CEP63: variants seen among roughly 807,000 people sequenced by gnomAD.
CEP63 encodes the protein centrosomal protein 63, also known as centrosomal protein of 63 kDa.
In CEP63, 84 loss-of-function variants were observed where a neutral mutation model predicts 89.1. The ratio of observed to expected loss-of-function variants is 0.94; its 90% CI spans 0.79 to 1.13. CEP63 has a LOEUF of 1.13. CEP63 is among the 50% of genes most tolerant of loss of function. The probability of loss-of-function intolerance (pLI) is 0.00; values close to 1 mark genes in which losing one functional copy is unlikely to be tolerated. For missense variants in CEP63, 838 were observed against 813.3 expected, an observed-to-expected ratio of 1.03 and a Z score of -0.37; for synonymous variants, 267 against 272.5, an observed-to-expected ratio of 0.98 and a Z score of 0.20.
At chr3:134,653,312 A>G in the CEP63 span, among the ~76,000 whole-genome samples, 1 of 152,156 alleles carries the variant, frequency 6.6e-6, no homozygotes, top group African/African-American at 2.4e-5. Flanking sequence ...ACATTGACCA[A>G]TGTTTCCTTT....
At chr3:134,597,760 C>G in the CEP63 span, 1 of 152,416 alleles carries the variant, frequency 6.6e-6, no homozygotes, top group Non-Finnish European at 1.5e-5. Flanking sequence ...GAGCTTCTCT[C>G]TGACTCATCC....
chr3:134,505,492 G>A (rs1390165124), intron 2 of CEP63, among the ~76,000 whole-genome samples: 2 of 152,192 alleles, frequency 1.3e-5, no homozygotes, highest in Non-Finnish European at 2.9e-5. Context: ...TCACGTACCA[G>A]ACAGTGATGC....
At chr3:134,760,481 C>T in the CEP63 span, among the ~76,000 whole-genome samples, 1 of 152,342 alleles carries the variant, frequency 6.6e-6, no homozygotes, top group East Asian at 1.9e-4. Flanking sequence ...TCAGCACTAT[C>T]ATCCCTGTTA....
rs1553794805 is a variant in CEP63 at position 134,564,315 on chromosome 3, T to G, written c.*2780T>G. 4 of 985,212 alleles carry G rather than the reference T, an allele frequency of 4.1e-6. No homozygotes were observed. Among genetic ancestry groups the G allele is most frequent in the Non-Finnish European group, 4.8e-6 (4 of 829,930 alleles). The allele number at this position is 985,212 out of a possible 1,614,324, so 61.0% of individuals were successfully genotyped here. A position where few individuals can be genotyped will look rare whatever the true frequency, so the allele number is the denominator to read the frequency against. On this transcript the variant is annotated 3_prime_UTR_variant, in exon 15 of 15. Coordinates refer to ENST00000675561, the MANE Select transcript of CEP63 (RefSeq NM_001353108.3). ...GGTGTGCATGCTGTCCTTCAGTTTG[T>G]CTCCTCTTCCCACACCCTGTCATGT... is the stretch of plus-strand genomic sequence containing the variant.
the CEP63 span, among the ~76,000 whole-genome samples, chr3:134,635,834 A>C: frequency 6.6e-6 from 1 of 152,226 alleles, no homozygotes; most frequent in Non-Finnish European, 1.5e-5. Flanking sequence ...TATAAAGCAG[A>C]AAGTGAAACT....
At chr3:134,763,495 A>G in the CEP63 span, among the ~76,000 whole-genome samples, 1 of 152,188 alleles carries the variant, frequency 6.6e-6, no homozygotes. Flanking sequence ...TCTCACATTT[A>G]TTAGGTGCCT....
chr3:134,506,996 C>T, intron 2 of CEP63, 113 bp from the exon 3 acceptor site: 1 of 581,276 alleles, frequency 1.7e-6, no homozygotes. Flanking sequence ...ACATTAATGT[C>T]ATTTAATTAT....
At chr3:134,569,601 A>G (rs1223193137), downstream of CEP63, among the ~76,000 whole-genome samples, 1 of 152,106 alleles carries the variant, frequency 6.6e-6, no homozygotes, top group African/African-American at 2.4e-5. Context: ...TTTGCATGGT[A>G]CAGCCTCTCT....
the CEP63 span, among the ~76,000 whole-genome samples, chr3:134,717,185 A>G: frequency 6.6e-6 from 1 of 152,198 alleles, no homozygotes; most frequent in Non-Finnish European, 1.5e-5. Context: ...CACGTGAACA[A>G]TGGCTGAGGC....
downstream of CEP63, among the ~76,000 whole-genome samples, chr3:134,578,273 C>T (rs1009458829): frequency 1.3e-5 from 2 of 151,212 alleles, no homozygotes; most frequent in African/African-American, 4.9e-5. Context: ...CACAGCCTCG[C>T]TAGCATCTAT....
downstream of CEP63, among the ~76,000 whole-genome samples, chr3:134,566,938 A>G (rs1957788355): frequency 6.6e-6 from 1 of 152,214 alleles, no homozygotes; most frequent in African/African-American, 2.4e-5. Context: ...GAAAAATGAA[A>G]ATATATCCAC....
At position 134,562,263 on chromosome 3, in the gene CEP63, G is replaced by A. The variant is rs1298645805; in HGVS notation, c.*728G>A. Reference sequence around the variant, plus strand: ...AAGATCTGGATGTTGATGTGCCGCAGGCATTTGAAACGATGGGAGTTGATA... The same window carrying A: ...AAGATCTGGATGTTGATGTGCCGCAAGCATTTGAAACGATGGGAGTTGATA... On this transcript the variant is annotated 3_prime_UTR_variant, in exon 15 of 15. Coordinates refer to ENST00000675561, the MANE Select transcript of CEP63 (RefSeq NM_001353108.3). 1 of 974,050 alleles carries A rather than the reference G, an allele frequency of 1.0e-6. No individual in the cohort carries two copies. Among genetic ancestry groups the A allele is most frequent in the East Asian group, 1.1e-4 (1 of 8,738 alleles). 60.3% of individuals were successfully genotyped at this position (974,050 alleles called of 1,614,324 possible). A position where few individuals can be genotyped will look rare whatever the true frequency, so the allele number is the denominator to read the frequency against.
chr3:134,700,287 C>G, the CEP63 span, among the ~76,000 whole-genome samples: 1 of 152,234 alleles, frequency 6.6e-6, no homozygotes, highest in African/African-American at 2.4e-5. Flanking sequence ...CTCAACAGCT[C>G]TCCCCTGAAC....
the CEP63 span, among the ~76,000 whole-genome samples, chr3:134,671,630 T>G: frequency 6.6e-6 from 1 of 152,184 alleles, no homozygotes; most frequent in Non-Finnish European, 1.5e-5. Context: ...AGGAAAATAA[T>G]AAATGTGCAA....
At chr3:134,781,273 C>A in the CEP63 span, among the ~76,000 whole-genome samples, 7,718 of 149,372 alleles carry the variant, frequency 0.052, 632 homozygotes, top group African/African-American at 0.18. Context: ...ATTTGTATTG[C>A]ATCTATAGGA....
intron 3 of CEP63, among the ~76,000 whole-genome samples, chr3:134,525,373 A>T (rs777291352): frequency 2.0e-5 from 3 of 151,966 alleles, no homozygotes; most frequent in African/African-American, 7.3e-5. Context: ...GTCTCCTTCA[A>T]CTTAGCTCTG....
chr3:134,580,110 G>A (rs199964376), intron 10 of CEP63, among the ~76,000 whole-genome samples: 1 of 151,144 alleles, frequency 6.6e-6, no homozygotes, highest in Non-Finnish European at 1.5e-5. Context: ...CGGGAGAATC[G>A]CTTTAACCTG....
chr3:134,642,886 A>G, the CEP63 span, among the ~76,000 whole-genome samples: 26 of 152,316 alleles, frequency 1.7e-4, no homozygotes, highest in East Asian at 5.0e-3. Flanking sequence ...TCCAAGCCTC[A>G]GTTTACTCAT....
intron 11 of CEP63, among the ~76,000 whole-genome samples, chr3:134,570,803 C>T (rs570984675): frequency 3.0e-4 from 46 of 152,242 alleles, no homozygotes; most frequent in South Asian, 2.1e-3. Context: ...TGAGACTGGG[C>T]GATTTACAGA....
Sources: allele counts gnomAD v4.1 joint callset (sites outside exome capture counted in the v4.1 genomes callset), GRCh38; gene constraint gnomAD v4.1.1; transcripts MANE v1.5; gene names NCBI Gene and HGNC (gene_info 2026-07-23, HGNC 2026-07-21).